The following DIPK1A variants were observed in gnomAD, a reference collection of about 807,000 sequenced individuals.
The protein encoded by DIPK1A is family with sequence similarity 69 member A.
In DIPK1A, 27 loss-of-function variants were observed where a neutral mutation model predicts 40.8. The ratio of observed to expected loss-of-function variants is 0.66; its 90% CI spans 0.49 to 0.91. The LOEUF is 0.91. Ranked by LOEUF, DIPK1A falls within the 40% of genes least tolerant of loss-of-function variation. The probability of loss-of-function intolerance (pLI) is 0.00; values close to 1 mark genes in which losing one functional copy is unlikely to be tolerated. For synonymous variants in DIPK1A, 166 were observed against 171.3 expected, an observed-to-expected ratio of 0.97 and a Z score of 0.24; for missense variants, 412 against 505.7, an observed-to-expected ratio of 0.81 and a Z score of 1.78.
intron 4 of DIPK1A, among the ~76,000 whole-genome samples, chr1:92,846,823 A>G (rs12088085): frequency 0.28 from 1,085 of 3,840 alleles, 284 homozygotes; most frequent in East Asian, 0.85. Flanking sequence ...ATATATATAT[A>G]TATATATATA....
intron 1 of DIPK1A, among the ~76,000 whole-genome samples, chr1:92,944,011 G>A (rs954313974): frequency 1.4e-4 from 21 of 152,120 alleles, no homozygotes; most frequent in Admixed American, 9.2e-4. Flanking sequence ...AAATACTGAA[G>A]AGGATGGTGC....
chr1:92,839,059 T>G (rs1687238232), downstream of DIPK1A, among the ~76,000 whole-genome samples: 1 of 150,052 alleles, frequency 6.7e-6, no homozygotes, highest in Non-Finnish European at 1.5e-5. Context: ...TTCAGTGAGT[T>G]TTAGAACAAA....
intron 1 of DIPK1A, among the ~76,000 whole-genome samples, chr1:92,901,533 T>C (rs1477193854): frequency 6.6e-6 from 1 of 151,986 alleles, no homozygotes; most frequent in Non-Finnish European, 1.5e-5. Flanking sequence ...TGAACCACTC[T>C]GGGGAGGAAG....
At chr1:92,892,750 TA>T (rs1022803927) in intron 1 of DIPK1A, among the ~76,000 whole-genome samples, 1 of 151,748 alleles carries the variant, frequency 6.6e-6, no homozygotes, top group African/African-American at 2.4e-5. Flanking sequence ...TTAAAAACCT[TA>T]AAAAAAGATT....
intron 2 of DIPK1A, among the ~76,000 whole-genome samples, chr1:92,864,253 G>A (rs1015668019): frequency 6.6e-6 from 1 of 152,136 alleles, no homozygotes; most frequent in Non-Finnish European, 1.5e-5. Context: ...TGAAAACATG[G>A]TTCCAAATAT....
chr1:92,887,982 G>C (rs992706766), intron 1 of DIPK1A, among the ~76,000 whole-genome samples: 2 of 151,530 alleles, frequency 1.3e-5, no homozygotes, highest in Non-Finnish European at 2.9e-5. Context: ...ATCTAGTATG[G>C]AACACTATTC....
intron 2 of DIPK1A, among the ~76,000 whole-genome samples, chr1:92,857,563 C>T (rs1571062734): frequency 6.6e-6 from 1 of 152,160 alleles, no homozygotes; most frequent in Non-Finnish European, 1.5e-5. Context: ...CTCAGGCGAT[C>T]TGCCTGCCTT....
At chr1:92,902,591 C>T (rs1215319390) in intron 1 of DIPK1A, among the ~76,000 whole-genome samples, 1 of 152,174 alleles carries the variant, frequency 6.6e-6, no homozygotes, top group African/African-American at 2.4e-5. Flanking sequence ...GCCTTAGTGT[C>T]TGTGAAAACT....
At chr1:92,938,548 G>A (rs1293803981) in intron 1 of DIPK1A, among the ~76,000 whole-genome samples, 1 of 149,938 alleles carries the variant, frequency 6.7e-6, no homozygotes, top group Non-Finnish European at 1.5e-5. Context: ...TAATCTGAAA[G>A]GAGAAACTAG....
chr1:92,934,241 C>G (rs1459980379), intron 1 of DIPK1A: 11 of 152,160 alleles, frequency 7.2e-5, no homozygotes, highest in Non-Finnish European at 1.6e-4. Context: ...CAGCATACAA[C>G]TTTTGGTCAC....
chr1:92,929,954 G>A (rs564603014), intron 1 of DIPK1A, among the ~76,000 whole-genome samples: 6 of 152,264 alleles, frequency 3.9e-5, no homozygotes, highest in Non-Finnish European at 8.8e-5. Flanking sequence ...GCCAACAAAC[G>A]TGGTCCTGGG....
intron 3 of DIPK1A, 51 bp from the exon 4 acceptor site, chr1:92,847,410 A>G: frequency 8.2e-7 from 1 of 1,222,970 alleles, no homozygotes; most frequent in Admixed American, 2.7e-5. Flanking sequence ...AGAAAACTCT[A>G]AAAAATATAC....
chr1:92,841,825 C>G, downstream of DIPK1A: 2 of 1,611,872 alleles, frequency 1.2e-6, no homozygotes, highest in East Asian at 2.2e-5. Context: ...CAAAAGAAGG[C>G]AAGCTTCCTC....
exon 5 of DIPK1A, chr1:92,832,833 C>G (rs1265252538): frequency 5.0e-6 from 3 of 599,584 alleles, no homozygotes; most frequent in Admixed American, 5.8e-5. Context: ...TGAATGTGCT[C>G]TTGCCCAGTT....
intron 1 of DIPK1A, among the ~76,000 whole-genome samples, chr1:92,950,008 C>G (rs1414033092): frequency 6.6e-6 from 1 of 152,208 alleles, no homozygotes; most frequent in African/African-American, 2.4e-5. Flanking sequence ...ATGGAAACCA[C>G]TGACAACATT....
chr1:92,848,641 G>GC (rs1410981597), intron 3 of DIPK1A, among the ~76,000 whole-genome samples: 4 of 152,066 alleles, frequency 2.6e-5, no homozygotes, highest in Admixed American at 6.6e-5. Flanking sequence ...TATCCTCATA[G>GC]CCTTTTGCAC....
chr1:92,868,022 G>T (rs1024723704), intron 2 of DIPK1A, among the ~76,000 whole-genome samples: 1 of 152,160 alleles, frequency 6.6e-6, no homozygotes, highest in Non-Finnish European at 1.5e-5. Flanking sequence ...TATGTTCAAC[G>T]GATATGTCAG....
chr1:92,834,704 C>T (rs765100925), intron 4 of DIPK1A: 29 of 1,581,764 alleles, frequency 1.8e-5, no homozygotes, highest in African/African-American at 5.4e-5. Context: ...TTTTTTTATT[C>T]CCTTGAAAAA....
chr1:92,892,442 TA>T (rs1356130325), intron 1 of DIPK1A, among the ~76,000 whole-genome samples: 1 of 152,118 alleles, frequency 6.6e-6, no homozygotes. Flanking sequence ...CTGAGGGTCC[TA>T]ACTGTTAGAA....
Sources: gnomAD v4.1 joint callset for allele counts (sites outside exome capture counted in the v4.1 genomes callset) on GRCh38, gnomAD v4.1.1 for gene constraint, MANE v1.5 for transcripts, NCBI Gene and HGNC (gene_info 2026-07-23, HGNC 2026-07-21) for gene names.